Variants in RRP15 observed in about 807,000 individuals in gnomAD.
RRP15 encodes RRP15-like protein.
A neutral mutation model predicts 27.1 loss-of-function variants in RRP15; 18 were observed. The ratio of observed to expected loss-of-function variants is 0.66; its 90% CI spans 0.46 to 0.98. The LOEUF is 0.98. RRP15 is among the 50% of genes least tolerant of loss of function. RRP15 has a pLI of 0.00. For synonymous variants in RRP15, 107 were observed against 109.4 expected, an observed-to-expected ratio of 0.98 and a Z score of 0.14; for missense variants, 359 against 337.8, an observed-to-expected ratio of 1.06 and a Z score of -0.49.
rs116911057 is a variant in RRP15, at chr1:218,324,150, G to A, written c.706-6798G>A. ...CTGACTGTGCTGCTCCTTTGCTGGCGGGTGACTTAGTCTGGCCCCATCGCT... is the reference window on the plus strand; with the variant it reads ...CTGACTGTGCTGCTCCTTTGCTGGCAGGTGACTTAGTCTGGCCCCATCGCT... On this transcript the variant is annotated intron_variant, in intron 4 of 4. Coordinates refer to ENST00000366932, the MANE Select transcript of RRP15 (RefSeq NM_016052.4). 2.6e-4 allele frequency among the ~76,000 whole-genome samples: 40 copies of A among 152,210 alleles called. No homozygotes were observed. In the East Asian group the frequency reaches 7.6e-3, roughly 29 times the overall value.
chr1:218,317,629 G>T (rs1282924866), intron 4 of RRP15, among the ~76,000 whole-genome samples: 1 of 151,168 alleles, frequency 6.6e-6, no homozygotes, highest in Non-Finnish European at 1.5e-5. Context: ...CTCTTCATTT[G>T]TCAAGGAATT....
At chr1:218,301,158 GT>G (rs1655804344) in intron 1 of RRP15, 1 of 152,156 alleles carries the variant, frequency 6.6e-6, no homozygotes, top group Admixed American at 6.5e-5. Flanking sequence ...AAGTGCAGTT[GT>G]TTACCCAAAG....
intron 3 of RRP15, 128 bp from the exon 4 acceptor site, chr1:218,307,303 T>C (rs1456219615): frequency 1.4e-6 from 1 of 704,634 alleles, no homozygotes; most frequent in East Asian, 2.8e-5. Context: ...TATCCCGTTC[T>C]TTCCTTTGAG....
At chr1:218,312,275 CTTTT>C (rs1474695408) in intron 4 of RRP15, among the ~76,000 whole-genome samples, 6 of 143,852 alleles carry the variant, frequency 4.2e-5, no homozygotes, top group East Asian at 4.0e-4. Context: ...TTCTTTCTTT[CTTTT>C]TTCTTTTTTT....
intron 4 of RRP15, among the ~76,000 whole-genome samples, chr1:218,308,260 C>G (rs1156427358): frequency 6.6e-6 from 1 of 151,264 alleles, no homozygotes; most frequent in Non-Finnish European, 1.5e-5. Flanking sequence ...TTAGTAGAGA[C>G]GGGGTTTCAC....
chr1:218,297,855 A>G (rs1479264533), intron 1 of RRP15, among the ~76,000 whole-genome samples: 1 of 152,166 alleles, frequency 6.6e-6, no homozygotes. Context: ...ATGAACTTTT[A>G]AACTACTTGG....
At chr1:218,306,306 G>A (rs1378269895) in intron 3 of RRP15, among the ~76,000 whole-genome samples, 1 of 152,124 alleles carries the variant, frequency 6.6e-6, no homozygotes, top group African/African-American at 2.4e-5. Flanking sequence ...GGGAGTGCAG[G>A]TGTCCTAGAT....
chr1:218,310,874 G>C (rs1655984446), intron 4 of RRP15, among the ~76,000 whole-genome samples: 2 of 151,806 alleles, frequency 1.3e-5, no homozygotes, highest in Non-Finnish European at 2.9e-5. Context: ...TCAGCCTCCC[G>C]AGTAGCTGGG....
chr1:218,316,153 T>TG (rs1392866317), intron 4 of RRP15, among the ~76,000 whole-genome samples: 1 of 152,212 alleles, frequency 6.6e-6, no homozygotes, highest in African/African-American at 2.4e-5. Context: ...ATATGGCACA[T>TG]GCAGCATTTT....
intron 2 of RRP15, among the ~76,000 whole-genome samples, chr1:218,303,950 G>C (rs972907605): frequency 6.6e-6 from 1 of 152,112 alleles, no homozygotes; most frequent in Non-Finnish European, 1.5e-5. Flanking sequence ...ATTATCCTTT[G>C]AGTACGGAAT....
At chr1:218,323,054 G>A (rs1656213396) in intron 4 of RRP15, among the ~76,000 whole-genome samples, 1 of 152,180 alleles carries the variant, frequency 6.6e-6, no homozygotes, top group South Asian at 2.1e-4. Flanking sequence ...ACCAGGGAAC[G>A]TCGTGGCGTT....
intron 1 of RRP15, among the ~76,000 whole-genome samples, chr1:218,295,953 C>G (rs1655711993): frequency 6.6e-6 from 1 of 151,320 alleles, no homozygotes; most frequent in African/African-American, 2.4e-5. Context: ...TTTGAATATT[C>G]TAAATTTAGT....
chr1:218,329,446 A>C (rs1299117421), intron 4 of RRP15, among the ~76,000 whole-genome samples: 1 of 151,894 alleles, frequency 6.6e-6, no homozygotes, highest in Non-Finnish European at 1.5e-5. Flanking sequence ...GCTAGCTAAC[A>C]ATCTAATAGA....
chr1:218,324,622 A>G (rs1656242731), intron 4 of RRP15, among the ~76,000 whole-genome samples: 1 of 152,218 alleles, frequency 6.6e-6, no homozygotes, highest in Non-Finnish European at 1.5e-5. Context: ...GTATCTTTTG[A>G]TTAATCAGTT....
intron 2 of RRP15, among the ~76,000 whole-genome samples, 157 bp from the exon 3 acceptor site, chr1:218,304,871 G>A (rs1308343373): frequency 6.6e-6 from 1 of 152,242 alleles, no homozygotes; most frequent in Non-Finnish European, 1.5e-5. Flanking sequence ...ACAGGCTCTC[G>A]AAGCTAAACC....
chr1:218,285,301 C>T lies in RRP15; in HGVS notation c.-16C>T, dbSNP rs1370476992. The stretch of plus-strand genomic sequence containing the variant: ...CACCGGACGCAACTGTCAGGTGACG[C>T]TTCCGGCGCAGAAAAATGGCAGCCG... On this transcript the variant is annotated 5_prime_UTR_variant, in exon 1 of 5. Transcript: ENST00000366932. 3 of 1,612,842 alleles carry T rather than the reference C, an allele frequency of 1.9e-6. No homozygotes were observed. The highest frequency in any genetic ancestry group is 1.7e-5 in the Admixed American group (1 of 59,654).
chr1:218,310,287 C>T (rs958058024), intron 4 of RRP15, among the ~76,000 whole-genome samples: 1 of 152,156 alleles, frequency 6.6e-6, no homozygotes, highest in Admixed American at 6.5e-5. Context: ...TTTTTAAATT[C>T]AATATTCCTA....
At chr1:218,303,858 C>A (rs1655852153) in intron 2 of RRP15, among the ~76,000 whole-genome samples, 1 of 152,070 alleles carries the variant, frequency 6.6e-6, no homozygotes, top group Non-Finnish European at 1.5e-5. Context: ...TTATGGTTTT[C>A]CAATATATCA....
At chr1:218,306,182 T>A (rs1379922753) in intron 3 of RRP15, among the ~76,000 whole-genome samples, 1 of 152,104 alleles carries the variant, frequency 6.6e-6, no homozygotes, top group African/African-American at 2.4e-5. Context: ...TGTCAAAGTT[T>A]CCTGGATGCT....
Sources: allele counts gnomAD v4.1 joint callset (sites outside exome capture counted in the v4.1 genomes callset), GRCh38; gene constraint gnomAD v4.1.1; transcripts MANE v1.5; gene names NCBI Gene and HGNC (gene_info 2026-07-23, HGNC 2026-07-21).